CACNB2: variants seen among roughly 807,000 people sequenced by gnomAD.
CACNB2 encodes voltage-dependent L-type calcium channel subunit beta-2.
A neutral mutation model predicts 73.3 loss-of-function variants in CACNB2; 42 were observed. The observed-to-expected ratio is 0.57, with a 90% CI of 0.45 to 0.74. CACNB2 has a LOEUF of 0.74. Among genes scored for constraint, CACNB2 ranks in the 30% least tolerant of loss-of-function variants. The pLI is 0.00. For synonymous variants in CACNB2, 348 were observed against 310.3 expected, an observed-to-expected ratio of 1.12 and a Z score of -1.28; for missense variants, 940 against 853.0, an observed-to-expected ratio of 1.10 and a Z score of -1.27.
chr10:18,462,048 T>C (rs2047609364), intron 3 of CACNB2, among the ~76,000 whole-genome samples: 1 of 152,156 alleles, frequency 6.6e-6, no homozygotes, highest in Non-Finnish European at 1.5e-5. Context: ...TTCTAGAGAA[T>C]CGGTACTGTG....
chr10:18,506,669 A>C, intron 6 of CACNB2, 122 bp downstream of exon 6: 2 of 721,356 alleles, frequency 2.8e-6, no homozygotes, highest in South Asian at 3.0e-5. Flanking sequence ...TGTTAAAAGG[A>C]ATCAGAAGTG....
intron 2 of CACNB2, among the ~76,000 whole-genome samples, chr10:18,187,041 G>A (rs2034185912): frequency 6.6e-6 from 1 of 152,114 alleles, no homozygotes; most frequent in Non-Finnish European, 1.5e-5. Flanking sequence ...GTGCTAAGAA[G>A]GGAGGGTATA....
At chr10:18,448,478 T>TA (rs1564560934) in intron 3 of CACNB2, among the ~76,000 whole-genome samples, 2 of 45,938 alleles carry the variant, frequency 4.4e-5, no homozygotes, top group South Asian at 7.9e-4. Flanking sequence ...TCTCTCTCAT[T>TA]TAAAAAAAAA....
chr10:18,260,378 T>G (rs2037480245), intron 2 of CACNB2: 1 of 938,548 alleles, frequency 1.1e-6, no homozygotes, highest in Admixed American at 6.2e-5. Flanking sequence ...GAGGTCTGAG[T>G]CGGATCAAAT....
intron 2 of CACNB2, among the ~76,000 whole-genome samples, chr10:18,224,686 C>T (rs1434487021): frequency 3.9e-5 from 6 of 152,148 alleles, no homozygotes; most frequent in African/African-American, 4.8e-5. Flanking sequence ...AGAAGGCCTA[C>T]GTCCCACAAC....
intron 2 of CACNB2, chr10:18,261,883 C>G (rs939517282): frequency 7.8e-6 from 4 of 513,852 alleles, no homozygotes; most frequent in African/African-American, 7.7e-5. Context: ...AAATGGCTGT[C>G]TGAGTATTAA....
chr10:18,423,379 C>T (rs1273301280), intron 3 of CACNB2, among the ~76,000 whole-genome samples: 6 of 152,012 alleles, frequency 3.9e-5, no homozygotes, highest in Non-Finnish European at 7.4e-5. Context: ...AGGCATGGGC[C>T]GGAGGAAGAT....
At chr10:18,231,381 G>A (rs909173053) in intron 2 of CACNB2, among the ~76,000 whole-genome samples, 1 of 152,146 alleles carries the variant, frequency 6.6e-6, no homozygotes, top group Non-Finnish European at 1.5e-5. Flanking sequence ...GTTTCGCCAT[G>A]TTGGCCAGGC....
At chr10:18,402,788 G>T (rs1294019382) in intron 3 of CACNB2, among the ~76,000 whole-genome samples, 2 of 152,116 alleles carry the variant, frequency 1.3e-5, no homozygotes, top group Admixed American at 1.3e-4. Flanking sequence ...TTGGTTTGTG[G>T]GATACTCAGT....
At chr10:18,433,113 A>G (rs1342734574) in intron 3 of CACNB2, among the ~76,000 whole-genome samples, 2 of 99,432 alleles carry the variant, frequency 2.0e-5, no homozygotes, top group East Asian at 6.0e-4. Flanking sequence ...ATATATGTAT[A>G]TGCGTGTATT....
At chr10:18,325,045 A>G (rs1224544249) in intron 2 of CACNB2, among the ~76,000 whole-genome samples, 3 of 152,224 alleles carry the variant, frequency 2.0e-5, no homozygotes, top group Non-Finnish European at 4.4e-5. Context: ...TTCTGCTGTG[A>G]TCCTTCATAA....
rs79252432 is a variant in CACNB2, at chr10:18,468,027, G to A, written c.334-30328G>A. Among the ~76,000 whole-genome samples, 70 of 152,218 alleles carry A rather than the reference G, an allele frequency of 4.6e-4. No individual in the cohort carries two copies. In the East Asian group the frequency reaches 0.012, roughly 26 times the overall value. ...TCACAATGTATGACTTGGGCCTTAA[G>A]GAAGATGGCATTCCTACATCTTAAA... On this transcript the variant is annotated intron_variant, in intron 3 of 13. Coordinates refer to ENST00000324631, the MANE Select transcript of CACNB2 (RefSeq NM_201596.3).
At position 18,318,505 on chromosome 10, in the gene CACNB2, C is replaced by G. The variant is rs149889237; in HGVS notation, c.214-83419C>G. On this transcript the variant is annotated intron_variant, in intron 2 of 13. Transcript: ENST00000324631. ...TGGATTAAAGACTTAAATGTAAAAC[C>G]TAAAATCATAAAAATCCTACAAGAA... 6.3e-3 allele frequency among the ~76,000 whole-genome samples: 966 copies of G among 152,160 alleles called. 15 individuals carry two copies. Among genetic ancestry groups the G allele is most frequent in the African/African-American group, 0.02 (841 of 41,518 alleles).
At chr10:18,387,386 A>T (rs1051274262) in intron 2 of CACNB2, among the ~76,000 whole-genome samples, 8 of 151,932 alleles carry the variant, frequency 5.3e-5, no homozygotes, top group African/African-American at 1.9e-4. Flanking sequence ...TGTCTCCCTC[A>T]CTCGACTGGG....
chr10:18,349,479 G>A (rs1174833034), intron 2 of CACNB2, among the ~76,000 whole-genome samples: 1 of 152,148 alleles, frequency 6.6e-6, no homozygotes, highest in Non-Finnish European at 1.5e-5. Context: ...AACTGAGTTT[G>A]CCTGACTTCT....
intron 2 of CACNB2, among the ~76,000 whole-genome samples, chr10:18,170,487 T>C (rs2131146434): frequency 6.6e-6 from 1 of 152,364 alleles, no homozygotes; most frequent in African/African-American, 2.4e-5. Flanking sequence ...AAAATATATC[T>C]TCCTGGGAAT....
At chr10:18,438,422 C>T (rs567226204) in intron 3 of CACNB2, among the ~76,000 whole-genome samples, 15 of 152,246 alleles carry the variant, frequency 9.9e-5, no homozygotes, top group Non-Finnish European at 1.9e-4. Context: ...GGCCAATCAC[C>T]GATTTAATCC....
At chr10:18,184,188 A>C (rs183520079) in intron 2 of CACNB2, among the ~76,000 whole-genome samples, 4 of 152,322 alleles carry the variant, frequency 2.6e-5, no homozygotes, top group Admixed American at 2.6e-4. Flanking sequence ...GTTTATACTC[A>C]TTGAACTTTG....
chr10:18,281,737 T>TG (rs1342960301), intron 2 of CACNB2, among the ~76,000 whole-genome samples: 4 of 151,954 alleles, frequency 2.6e-5, no homozygotes, highest in Non-Finnish European at 4.4e-5. Context: ...ATAGCACTTT[T>TG]GGAGGCTGTG....
Sources: allele counts gnomAD v4.1 joint callset (sites outside exome capture counted in the v4.1 genomes callset), GRCh38; gene constraint gnomAD v4.1.1; transcripts MANE v1.5; gene names NCBI Gene and HGNC (gene_info 2026-07-23, HGNC 2026-07-21).